Variants in PRKCA observed in about 807,000 individuals in gnomAD.
The protein encoded by PRKCA is protein kinase C alpha, also known as protein kinase C alpha type.
Under a neutral mutation model 87.0 loss-of-function variants are expected in PRKCA, and 27 were observed. The observed-to-expected ratio is 0.31, with a 90% CI of 0.23 to 0.43. The LOEUF is 0.43. Among genes scored for constraint, PRKCA ranks in the 20% least tolerant of loss-of-function variants. The pLI is 1.00. For missense variants in PRKCA, 518 were observed against 852.3 expected, an observed-to-expected ratio of 0.61 and a Z score of 4.88; for synonymous variants, 329 against 311.1, an observed-to-expected ratio of 1.06 and a Z score of -0.61.
intron 5 of PRKCA, among the ~76,000 whole-genome samples, chr17:66,686,598 A>G (rs1361637468): frequency 1.3e-5 from 2 of 151,950 alleles, no homozygotes; most frequent in South Asian, 2.1e-4. Flanking sequence ...CCCAACCCCC[A>G]TGTGATTCCA....
chr17:66,645,587 G>C (rs539926887), intron 5 of PRKCA, 76 bp downstream of exon 5: 3 of 1,586,354 alleles, frequency 1.9e-6, no homozygotes, highest in African/African-American at 1.3e-5. Flanking sequence ...AAGGCAGGGT[G>C]GGGGCTGGGC....
intron 2 of PRKCA, among the ~76,000 whole-genome samples, chr17:66,438,765 T>A (rs905025743): frequency 1.3e-5 from 2 of 152,138 alleles, no homozygotes; most frequent in Non-Finnish European, 2.9e-5. Flanking sequence ...GGAAGGAGAA[T>A]GAACGAGTGC....
rs1041292455 is a variant in PRKCA, at chr17:66,695,690, C to A, written c.918+6643C>A. ...TTTTGCTGCACACCATTGCTCTATT[C>A]CAGAGCAAGTTAAACATCTAATATT... On this transcript the variant is annotated intron_variant, in intron 8 of 16. Coordinates refer to ENST00000413366, the MANE Select transcript of PRKCA (RefSeq NM_002737.3). Among the ~76,000 whole-genome samples the A allele has an allele frequency of 4.6e-5, 7 of 152,140 alleles. No individual in the cohort carries two copies. In the East Asian group the frequency reaches 9.6e-4, roughly 21 times the overall value.
chr17:66,523,201 G>C (rs1967229067), intron 3 of PRKCA, among the ~76,000 whole-genome samples: 1 of 152,142 alleles, frequency 6.6e-6, no homozygotes, highest in Non-Finnish European at 1.5e-5. Flanking sequence ...TAGGATTTCA[G>C]AGTGTGGGGC....
chr17:66,670,819 A>T (rs1972159340), intron 5 of PRKCA, among the ~76,000 whole-genome samples: 1 of 152,052 alleles, frequency 6.6e-6, no homozygotes, highest in Non-Finnish European at 1.5e-5. Context: ...CCATGATCAC[A>T]CTACTACACT....
At chr17:66,364,639 G>T (rs1908593880) in intron 2 of PRKCA, among the ~76,000 whole-genome samples, 1 of 152,088 alleles carries the variant, frequency 6.6e-6, no homozygotes, top group African/African-American at 2.4e-5. Flanking sequence ...GAGCAGGGAG[G>T]GTGTGATTGA....
At chr17:66,332,083 C>T (rs1260144699) in intron 2 of PRKCA, among the ~76,000 whole-genome samples, 1 of 150,896 alleles carries the variant, frequency 6.6e-6, no homozygotes, top group Non-Finnish European at 1.5e-5. Flanking sequence ...CAAAAGAAAA[C>T]AACTTTTACC....
intron 3 of PRKCA, among the ~76,000 whole-genome samples, chr17:66,615,859 A>G (rs1181928870): frequency 5.9e-5 from 9 of 152,164 alleles, no homozygotes; most frequent in Admixed American, 5.9e-4. Flanking sequence ...GTTCAAATCC[A>G]AGCAGCTTCA....
At chr17:66,457,143 A>G (rs1914609544) in intron 2 of PRKCA, among the ~76,000 whole-genome samples, 1 of 151,830 alleles carries the variant, frequency 6.6e-6, no homozygotes, top group African/African-American at 2.4e-5. Context: ...TAAGGGATAG[A>G]CTCATCTTGG....
At chr17:66,633,774 T>C (rs1971083265) in intron 3 of PRKCA, among the ~76,000 whole-genome samples, 1 of 152,238 alleles carries the variant, frequency 6.6e-6, no homozygotes, top group Non-Finnish European at 1.5e-5. Flanking sequence ...TGTGCAGTGA[T>C]GTCAGTTCAA....
At chr17:66,779,744 C>T (rs995345700) in intron 14 of PRKCA, among the ~76,000 whole-genome samples, 27 of 152,080 alleles carry the variant, frequency 1.8e-4, no homozygotes, top group African/African-American at 4.6e-4. Flanking sequence ...TGGGAAGGAG[C>T]GGGTGAGAGG....
chr17:66,782,910 G>T (rs1975275782), intron 14 of PRKCA, among the ~76,000 whole-genome samples: 1 of 152,226 alleles, frequency 6.6e-6, no homozygotes, highest in African/African-American at 2.4e-5. Context: ...AGACTGATTT[G>T]CGGAGTGAGC....
In PRKCA at chr17:66,776,714, T is replaced by C. The variant is rs952734764; in HGVS notation, c.1605+2647T>C. ...AGGGCCAAGCCGGCGACTTGAGAGA[T>C]CTAGTGCACTCTTTGACTTTTGACT... On this transcript the variant is annotated intron_variant, in intron 14 of 16. Coordinates refer to ENST00000413366, the MANE Select transcript of PRKCA (RefSeq NM_002737.3). 1.1e-4 allele frequency among the ~76,000 whole-genome samples: 17 copies of C among 152,170 alleles called. 1 individual carries two copies. The highest frequency in any genetic ancestry group is 3.9e-4 in the African/African-American group (16 of 41,438).
At chr17:66,345,444 G>A (rs1907300132) in intron 2 of PRKCA, among the ~76,000 whole-genome samples, 1 of 152,094 alleles carries the variant, frequency 6.6e-6, no homozygotes, top group Admixed American at 6.6e-5. Flanking sequence ...GCCATCACTT[G>A]CCTAATTAGT....
chr17:66,645,416 T>C lies in PRKCA; in HGVS notation c.434T>C (p.Ile145Thr). The C allele has an allele frequency of 6.2e-7, 1 of 1,614,170 alleles. No homozygotes were observed. The highest frequency in any genetic ancestry group is 1.1e-5 in the South Asian group (1 of 91,076). The stretch of plus-strand genomic sequence containing the variant: ...ATGAACGTTCACAAGCAATGCGTCA[T>C]CAATGTCCCCAGCCTCTGCGGAATG... ...CDMNVHKQCV[I>T]NVPSLCGMDH... is the part of the protein sequence containing the mutation. The change falls in exon 5 of 17, where the codon ATC becomes ACC. Residue 145 changes from isoleucine (I) to threonine (T), a missense_variant. Ile to Thr is a moderately conservative substitution (Grantham distance 89). Around this residue, in one of 5 missense-constraint regions of PRKCA, gnomAD observed 300 missense variants for 496.8 expected, o/e 0.60. Coordinates refer to ENST00000413366, the MANE Select transcript of PRKCA (RefSeq NM_002737.3).
intron 2 of PRKCA, among the ~76,000 whole-genome samples, chr17:66,465,359 G>A (rs1165371349): frequency 6.6e-6 from 1 of 151,944 alleles, no homozygotes; most frequent in Non-Finnish European, 1.5e-5. Flanking sequence ...ATATCTGGAA[G>A]GAATTTGTCA....
chr17:66,654,437 C>T (rs1971678003), intron 5 of PRKCA, among the ~76,000 whole-genome samples: 1 of 152,166 alleles, frequency 6.6e-6, no homozygotes, highest in Non-Finnish European at 1.5e-5. Context: ...GCAGCAGCAG[C>T]ATCATTACCC....
intron 8 of PRKCA, among the ~76,000 whole-genome samples, chr17:66,701,485 A>G (rs1001281224): frequency 6.6e-6 from 1 of 152,188 alleles, no homozygotes; most frequent in Non-Finnish European, 1.5e-5. Context: ...TCTGCACAGC[A>G]AAGGAAACAA....
chr17:66,566,486 T>TG (rs1339212830), intron 3 of PRKCA, among the ~76,000 whole-genome samples: 6 of 145,800 alleles, frequency 4.1e-5, no homozygotes, highest in South Asian at 2.1e-4. Context: ...TTTGGTTTTT[T>TG]TTTTTTTTTT....
Sources: allele counts gnomAD v4.1 joint callset (sites outside exome capture counted in the v4.1 genomes callset), GRCh38; gene constraint gnomAD v4.1.1; regional missense constraint gnomAD v4.1.1; transcripts MANE v1.5; gene names NCBI Gene and HGNC (gene_info 2026-07-23, HGNC 2026-07-21).